CHAF1B: variants seen among roughly 807,000 people sequenced by gnomAD.
CHAF1B encodes chromatin assembly factor 1 subunit B, also known as CAF-1 subunit B.
A neutral mutation model predicts 60.7 loss-of-function variants in CHAF1B; 10 were observed. The observed-to-expected ratio is 0.16, with a 90% CI of 0.10 to 0.28. The LOEUF is 0.28. Among genes scored for constraint, CHAF1B ranks in the 10% least tolerant of loss-of-function variants. The pLI, the probability that CHAF1B is intolerant of heterozygous loss-of-function variation, is 1.00. For synonymous variants in CHAF1B, 261 were observed against 266.1 expected, an observed-to-expected ratio of 0.98 and a Z score of 0.19; for missense variants, 558 against 708.4, an observed-to-expected ratio of 0.79 and a Z score of 2.41.
intron 13 of CHAF1B, chr21:36,415,756 T>A: frequency 2.4e-6 from 1 of 419,836 alleles, no homozygotes; most frequent in South Asian, 1.9e-5. Context: ...TTCTTTTTTT[T>A]TTTTTCTTTT....
intron 7 of CHAF1B, among the ~76,000 whole-genome samples, chr21:36,401,763 CAG>C (rs749088557): frequency 5.0e-4 from 76 of 150,668 alleles, no homozygotes; most frequent in African/African-American, 1.5e-3. Flanking sequence ...TTTGTTGAGA[CAG>C]TGTCTGGCTC....
chr21:36,407,316 A>T (rs890424077), intron 8 of CHAF1B, among the ~76,000 whole-genome samples: 7 of 151,926 alleles, frequency 4.6e-5, no homozygotes, highest in African/African-American at 1.7e-4. Context: ...AAAAAAAAAA[A>T]AGTATATGTT....
At chr21:36,399,186 C>A (rs1288000648) in intron 6 of CHAF1B, among the ~76,000 whole-genome samples, 1 of 151,982 alleles carries the variant, frequency 6.6e-6, no homozygotes, top group Non-Finnish European at 1.5e-5. Context: ...AGGCGCCCAC[C>A]ACCACGCCCG....
rs2086323256 is a variant in CHAF1B at position 36,416,749 on chromosome 21, C to T, written c.*383C>T. On this transcript the variant is annotated 3_prime_UTR_variant, in exon 14 of 14. Coordinates refer to ENST00000314103, the MANE Select transcript of CHAF1B (RefSeq NM_005441.3). Reference sequence around the variant, plus strand: ...GATGAGAAAGTAATTTGAGATTTTACTCTGTCGAATTTTAGAGTATTTGAA... The same window carrying T: ...GATGAGAAAGTAATTTGAGATTTTATTCTGTCGAATTTTAGAGTATTTGAA... The T allele has an allele frequency of 6.3e-6, 1 of 159,776 alleles. No individual in the cohort carries two copies. The highest frequency in any genetic ancestry group is 1.8e-4 in the East Asian group (1 of 5,618). The allele number at this position is 159,776 out of a possible 1,614,324, so 9.9% of individuals were successfully genotyped here.
At chr21:36,411,912 A>G (rs1025184028) in intron 11 of CHAF1B, among the ~76,000 whole-genome samples, 1 of 152,068 alleles carries the variant, frequency 6.6e-6, no homozygotes, top group Non-Finnish European at 1.5e-5. Context: ...TGGTTTTAGT[A>G]GAGATGGGGT....
chr21:36,406,498 G>C (rs2086239182), intron 8 of CHAF1B, among the ~76,000 whole-genome samples: 1 of 152,010 alleles, frequency 6.6e-6, no homozygotes, highest in Admixed American at 6.6e-5. Flanking sequence ...GTTGGCCAGG[G>C]TGGTCTCAAA....
intron 5 of CHAF1B, 35 bp from the exon 6 acceptor site, chr21:36,397,380 C>A: frequency 8.8e-7 from 1 of 1,140,692 alleles, no homozygotes; most frequent in Non-Finnish European, 1.3e-6. Context: ...TTTGGTAATG[C>A]TGTTTTGGTG....
At chr21:36,403,205 C>G (rs1285296858) in intron 8 of CHAF1B, among the ~76,000 whole-genome samples, 1 of 152,028 alleles carries the variant, frequency 6.6e-6, no homozygotes, top group Non-Finnish European at 1.5e-5. Flanking sequence ...CACCTGTAAT[C>G]CCAGCACTTT....
intron 10 of CHAF1B, among the ~76,000 whole-genome samples, chr21:36,411,115 TC>T (rs368278276): frequency 3.5e-5 from 2 of 57,242 alleles, no homozygotes; most frequent in African/African-American, 1.6e-4. Flanking sequence ...TTATAAATAT[TC>T]TTTTTTTTTT....
At chr21:36,393,197 CTG>C (rs1407053227) in intron 4 of CHAF1B, among the ~76,000 whole-genome samples, 2 of 152,054 alleles carry the variant, frequency 1.3e-5, no homozygotes, top group Non-Finnish European at 2.9e-5. Context: ...CAGAGGGAGA[CTG>C]TGGAGAGAGC....
chr21:36,405,133 C>T (rs1055563356), intron 8 of CHAF1B, among the ~76,000 whole-genome samples: 3 of 151,918 alleles, frequency 2.0e-5, no homozygotes, highest in African/African-American at 7.3e-5. Context: ...CTGTTATCAA[C>T]GTTATTGTTC....
In CHAF1B at chr21:36,391,661, ACT is replaced by A. The variant is rs771423311; in HGVS notation, c.373_374del (p.Leu125AlafsTer9). 2 of 1,603,198 alleles carry A rather than the reference ACT, an allele frequency of 1.2e-6. No individual in the cohort carries two copies. Among genetic ancestry groups the A allele is most frequent in the African/African-American group, 1.3e-5 (1 of 74,612 alleles). ...LNKENWTVVK[T>X]LRGHLEDVYD... is the part of the protein sequence containing the mutation. ...CAAGGAGAACTGGACGGTTGTGAAG[ACT>A]CTGCGGTAACTTGGGAGGGACCATG... On this transcript the variant is annotated frameshift_variant, in exon 4 of 14. Coordinates refer to ENST00000314103, the MANE Select transcript of CHAF1B (RefSeq NM_005441.3). LOFTEE classifies it high-confidence loss of function.
At position 36,416,732 on chromosome 21, in the gene CHAF1B, A is replaced by C. The variant is rs1452429163; in HGVS notation, c.*366A>C. 2 of 166,602 alleles carry C rather than the reference A, an allele frequency of 1.2e-5. No individual in the cohort carries two copies. The highest frequency in any genetic ancestry group is 1.3e-4 in the Admixed American group (2 of 15,928). The allele number at this position is 166,602 out of a possible 1,614,324, so 10.3% of individuals were successfully genotyped here. A position where few individuals can be genotyped will look rare whatever the true frequency, so the allele number is the denominator to read the frequency against. On this transcript the variant is annotated 3_prime_UTR_variant, in exon 14 of 14. Coordinates refer to ENST00000314103, the MANE Select transcript of CHAF1B (RefSeq NM_005441.3). Reference sequence around the variant, plus strand: ...TCAATAAGAATTAGGAAGATGAGAAAGTAATTTGAGATTTTACTCTGTCGA... The same window carrying C: ...TCAATAAGAATTAGGAAGATGAGAACGTAATTTGAGATTTTACTCTGTCGA...
At chr21:36,396,437 G>T (rs538194358) in intron 5 of CHAF1B, among the ~76,000 whole-genome samples, 1 of 150,386 alleles carries the variant, frequency 6.6e-6, no homozygotes. Flanking sequence ...ACTTTGGGAG[G>T]ATTGCTCAAG....
intron 4 of CHAF1B, 51 bp from the exon 5 acceptor site, chr21:36,394,496 T>G (rs1431864734): frequency 1.2e-5 from 15 of 1,287,696 alleles, no homozygotes; most frequent in Non-Finnish European, 1.7e-5. Context: ...AGGGGTAAGC[T>G]GCTATACCTG....
At chr21:36,405,421 A>AATTT (rs546836783) in intron 8 of CHAF1B, among the ~76,000 whole-genome samples, 103 of 151,952 alleles carry the variant, frequency 6.8e-4, no homozygotes, top group African/African-American at 2.2e-3. Flanking sequence ...ACATAGAGTA[A>AATTT]ATTTATTTAT....
chr21:36,394,773 C>T (rs2086123899), intron 5 of CHAF1B, 123 bp downstream of exon 5: 2 of 620,136 alleles, frequency 3.2e-6, no homozygotes, highest in East Asian at 6.3e-5. Context: ...ACTCTGCCGC[C>T]CAGGCTGGAG....
intron 4 of CHAF1B, among the ~76,000 whole-genome samples, chr21:36,392,523 C>T (rs968187351): frequency 6.6e-6 from 1 of 151,750 alleles, no homozygotes; most frequent in Non-Finnish European, 1.5e-5. Context: ...CCCCCCACCT[C>T]CCGGACGGGG....
intron 5 of CHAF1B, among the ~76,000 whole-genome samples, chr21:36,395,887 A>C (rs61308860): frequency 0.48 from 72,437 of 151,972 alleles, 19,334 homozygotes; most frequent in African/African-American, 0.74. Flanking sequence ...GTTGGCTGCC[A>C]CCGCAGCACT....
Sources: gnomAD v4.1 joint callset for allele counts (sites outside exome capture counted in the v4.1 genomes callset) on GRCh38, gnomAD v4.1.1 for gene constraint, MANE v1.5 for transcripts, NCBI Gene and HGNC (gene_info 2026-07-23, HGNC 2026-07-21) for gene names.